Variants in ADGRD1 observed in about 807,000 individuals in gnomAD.
The protein encoded by ADGRD1 is adhesion G protein-coupled receptor D1.
ADGRD1 carries 77 observed loss-of-function variants against 113.4 expected under a neutral mutation model. That is an observed-to-expected ratio of 0.68 (90% CI 0.57 to 0.82). ADGRD1 has a LOEUF of 0.82. ADGRD1 is among the 40% of genes least tolerant of loss of function. ADGRD1 has a pLI of 0.00. For missense variants in ADGRD1, 1,036 were observed against 1,139.1 expected, an observed-to-expected ratio of 0.91 and a Z score of 1.30; for synonymous variants, 474 against 475.0, an observed-to-expected ratio of 1.00 and a Z score of 0.03.
chr12:131,058,313 CAAG>C (rs1300067178), intron 13 of ADGRD1, among the ~76,000 whole-genome samples: 1 of 152,034 alleles, frequency 6.6e-6, no homozygotes, highest in Non-Finnish European at 1.5e-5. Flanking sequence ...TGGAGCTCCT[CAAG>C]AGGATGTGAC....
In ADGRD1 at chr12:130,991,019, C is replaced by T. The variant is rs1430866436; in HGVS notation, c.751C>T (p.His251Tyr). The change falls in exon 7 of 25, where the codon CAT becomes TAT. Residue 251 changes from histidine (H) to tyrosine (Y), a missense_variant. His to Tyr is a moderately conservative substitution (Grantham distance 83). Transcript: ENST00000261654. Reference protein sequence around the residue: ...AMYFTAAIGKHALLSSTLPSL... With the variant: ...AMYFTAAIGKYALLSSTLPSL... ...TCCAGCATTGTTTCTTCCAGGAAAGCATGCTTTATTGTCTTCAACGCTGCC... is the reference window on the plus strand; with the variant it reads ...TCCAGCATTGTTTCTTCCAGGAAAGTATGCTTTATTGTCTTCAACGCTGCC... 11 of 1,613,710 alleles carry T rather than the reference C, an allele frequency of 6.8e-6. No homozygotes were observed. The highest frequency in any genetic ancestry group is 9.3e-6 in the Non-Finnish European group (11 of 1,179,666).
chr12:130,992,378 T>C lies in ADGRD1; in HGVS notation c.952T>C (p.Leu318=). Reference sequence around the variant, plus strand: ...TAAGTCCCTCTCGGAGCAGACAGCCTTGAATCTCACCAAGGTAAGGCTATT... The same window carrying C: ...TAAGTCCCTCTCGGAGCAGACAGCCCTGAATCTCACCAAGGTAAGGCTATT... ...PSKSLSEQTA[L]NLTKTFLKAV... The change falls in exon 8 of 25, where the codon TTG becomes CTG. Residue 318 remains leucine (L), a synonymous_variant. Coordinates refer to ENST00000261654, the MANE Select transcript of ADGRD1 (RefSeq NM_198827.5). The C allele has an allele frequency of 6.2e-7, 1 of 1,613,448 alleles. No individual in the cohort carries two copies. The highest frequency in any genetic ancestry group is 8.5e-7 in the Non-Finnish European group (1 of 1,179,752).
chr12:131,034,046 GCCAGCCTC>G (rs965457989), intron 13 of ADGRD1, among the ~76,000 whole-genome samples: 1 of 152,150 alleles, frequency 6.6e-6, no homozygotes, highest in African/African-American at 2.4e-5. Flanking sequence ...GGAGGCCAGC[GCCAGCCTC>G]CCAGCCGCCC....
chr12:131,021,391 G>C (rs1879298431), intron 13 of ADGRD1, among the ~76,000 whole-genome samples: 1 of 152,114 alleles, frequency 6.6e-6, no homozygotes, highest in African/African-American at 2.4e-5. Flanking sequence ...CTTCGCGGCG[G>C]CCGGCCGGTG....
intron 11 of ADGRD1, 67 bp from the exon 12 acceptor site, chr12:131,005,905 G>A (rs2136753935): frequency 8.2e-7 from 1 of 1,226,776 alleles, no homozygotes; most frequent in Admixed American, 1.7e-5. Context: ...CGGGGCGTGG[G>A]GCTTTGTGTT....
intron 15 of ADGRD1, among the ~76,000 whole-genome samples, chr12:131,102,951 T>A (rs1206310713): frequency 2.0e-5 from 3 of 152,186 alleles, no homozygotes; most frequent in Non-Finnish European, 4.4e-5. Flanking sequence ...CAAAGTTCCC[T>A]CTCATCCTCA....
At position 131,140,600 on chromosome 12, in the gene ADGRD1, T is replaced by C. The variant is rs912893494; in HGVS notation, c.*1337T>C. The C allele has an allele frequency of 2.0e-5, 3 of 152,220 alleles. No homozygotes were observed. The highest frequency in any genetic ancestry group is 1.9e-4 in the East Asian group (1 of 5,188). The allele number at this position is 152,220 out of a possible 1,614,324, so 9.4% of individuals were successfully genotyped here. ...ATACTGGAAACTCTTCCTTTAAAAC[T>C]GTGACCATGATTTCATTCAGCCCCT... On this transcript the variant is annotated 3_prime_UTR_variant, in exon 25 of 25. Transcript: ENST00000261654.
At position 130,961,402 on chromosome 12, in the gene ADGRD1, CCT is replaced by C. The variant is rs146176861; in HGVS notation, c.104-5047_104-5046del. On this transcript the variant is annotated intron_variant, in intron 2 of 24. Transcript: ENST00000261654. ...ATACCCCTTTTTCTCTCTGCCCTTTCCTCTCTCTCTCTCTCGTTCTTTCTCTT... is the reference window on the plus strand; with the variant it reads ...ATACCCCTTTTTCTCTCTGCCCTTTCCTCTCTCTCTCTCGTTCTTTCTCTT... Among the ~76,000 whole-genome samples, 7 of 150,470 alleles carry C rather than the reference CCT, an allele frequency of 4.7e-5. No individual in the cohort carries two copies. In the South Asian group the frequency reaches 8.4e-4, roughly 18 times the overall value.
In ADGRD1 at chr12:130,965,582, G is replaced by C. The variant is rs541191309; in HGVS notation, c.104-881G>C. Among the ~76,000 whole-genome samples, 1 of 152,122 alleles carries C rather than the reference G, an allele frequency of 6.6e-6. No homozygotes were observed. Among genetic ancestry groups the C allele is most frequent in the African/African-American group, 2.4e-5 (1 of 41,482 alleles). On this transcript the variant is annotated intron_variant, in intron 2 of 24. Coordinates refer to ENST00000261654, the MANE Select transcript of ADGRD1 (RefSeq NM_198827.5). The surrounding 1 kb of genome is among the most constrained non-coding windows in gnomAD (Gnocchi z 4.8). ...CCACTCATGTCAGCGCCACCTGTAC[G>C]AATAAGGATGGAAGCTATTGATTGT... is the stretch of plus-strand genomic sequence containing the variant.
intron 18 of ADGRD1, among the ~76,000 whole-genome samples, chr12:131,110,783 T>G (rs1950330051): frequency 6.6e-6 from 1 of 152,232 alleles, no homozygotes; most frequent in Non-Finnish European, 1.5e-5. Flanking sequence ...CTGGAGAACT[T>G]TCTTTGTTAT....
intron 13 of ADGRD1, among the ~76,000 whole-genome samples, chr12:131,033,392 C>T (rs927285198): frequency 6.6e-6 from 1 of 152,226 alleles, no homozygotes; most frequent in Non-Finnish European, 1.5e-5. Flanking sequence ...TGCTCAGCAC[C>T]GTCAGAGCCC....
At chr12:130,970,896 C>T (rs1177656033) in intron 3 of ADGRD1, 1 of 152,254 alleles carries the variant, frequency 6.6e-6, no homozygotes, top group Admixed American at 6.5e-5. Flanking sequence ...GCTAAAATCC[C>T]GAATCTACCT....
At chr12:130,959,641 C>T (rs932063954) in intron 2 of ADGRD1, among the ~76,000 whole-genome samples, 2 of 152,116 alleles carry the variant, frequency 1.3e-5, no homozygotes, top group Non-Finnish European at 2.9e-5. Context: ...TCTGGTAAAC[C>T]GCGTCAATAA....
intron 13 of ADGRD1, among the ~76,000 whole-genome samples, chr12:131,056,426 C>T (rs73477390): frequency 0.019 from 2,835 of 152,338 alleles, 90 homozygotes; most frequent in African/African-American, 0.064. Context: ...GGGGCCCTGA[C>T]TCTGTCAAAA....
intron 13 of ADGRD1, among the ~76,000 whole-genome samples, chr12:131,016,268 G>T (rs1878559449): frequency 6.6e-6 from 1 of 152,244 alleles, no homozygotes; most frequent in African/African-American, 2.4e-5. Flanking sequence ...CTCAGAGGCT[G>T]CCAGATCCAG....
intron 13 of ADGRD1, among the ~76,000 whole-genome samples, chr12:131,054,884 A>C (rs1305059243): frequency 1.3e-5 from 2 of 152,104 alleles, no homozygotes; most frequent in African/African-American, 2.4e-5. Context: ...TCATTGCCTG[A>C]TGGATGTCCA....
chr12:131,141,382 T>G lies in ADGRD1; in HGVS notation c.*2119T>G, dbSNP rs943962901. 6.6e-6 allele frequency: 1 copy of G among 152,244 alleles called. No individual in the cohort carries two copies. The highest frequency in any genetic ancestry group is 1.5e-5 in the Non-Finnish European group (1 of 68,036). 9.4% of individuals were successfully genotyped at this position (152,244 alleles called of 1,614,324 possible). On this transcript the variant is annotated 3_prime_UTR_variant, in exon 25 of 25. Transcript: ENST00000261654. The stretch of plus-strand genomic sequence containing the variant: ...TAAGAAATTGGAAAGAATGAAATGT[T>G]TAGTTTATAGTAGAAGAAAGATGAT...
chr12:131,096,614 G>T lies in ADGRD1; in HGVS notation c.1672-8217G>T, dbSNP rs1286453315. Among the ~76,000 whole-genome samples, 6 of 151,796 alleles carry T rather than the reference G, an allele frequency of 4.0e-5. No individual in the cohort carries two copies. The highest frequency in any genetic ancestry group is 1.5e-4 in the African/African-American group (6 of 41,224). On this transcript the variant is annotated intron_variant, in intron 15 of 24. Transcript: ENST00000261654. This position sits in a 1 kb window ranked among gnomAD's most constrained non-coding sequence, Gnocchi z 5.2. ...ATCTGTGAGGATGGGTTCCCGTGGG[G>T]CACTGCTGGTCCAGGTTTACATCCC...
At chr12:131,054,723 T>C (rs1883704906) in intron 13 of ADGRD1, among the ~76,000 whole-genome samples, 1 of 152,190 alleles carries the variant, frequency 6.6e-6, no homozygotes, top group African/African-American at 2.4e-5. Flanking sequence ...CGGTCACTGG[T>C]CTTGGATATC....
Sources: gnomAD v4.1 joint callset for allele counts (sites outside exome capture counted in the v4.1 genomes callset) on GRCh38, gnomAD v4.1.1 for gene constraint, Gnocchi (gnomAD v3.1) non-coding constraint, MANE v1.5 for transcripts, NCBI Gene and HGNC (gene_info 2026-07-23, HGNC 2026-07-21) for gene names.